The following CSMD3 variants were observed in gnomAD, a reference collection of about 807,000 sequenced individuals.
CSMD3 encodes CUB and sushi domain-containing protein 3.
A neutral mutation model predicts 435.2 loss-of-function variants in CSMD3; 177 were observed. The observed-to-expected ratio is 0.41, with a 90% CI of 0.36 to 0.46. The LOEUF (loss-of-function observed/expected upper bound fraction) is 0.46, where lower values mean the gene tolerates loss of function less well. Ranked by LOEUF, CSMD3 falls within the 20% of genes least tolerant of loss-of-function variation. The pLI, the probability that CSMD3 is intolerant of heterozygous loss-of-function variation, is 0.34. For synonymous variants in CSMD3, 1,656 were observed against 1,520.5 expected, an observed-to-expected ratio of 1.09 and a Z score of -2.07; for missense variants, 4,265 against 4,504.6, an observed-to-expected ratio of 0.95 and a Z score of 1.52.
intron 18 of CSMD3, among the ~76,000 whole-genome samples, chr8:112,652,830 G>T (rs878947208): frequency 1.3e-5 from 2 of 151,534 alleles, no homozygotes; most frequent in Non-Finnish European, 2.9e-5. Flanking sequence ...TTTTTTTTTA[G>T]ACAGAGTCTC....
chr8:112,278,612 G>A (rs1296485271), intron 59 of CSMD3, among the ~76,000 whole-genome samples: 1 of 152,118 alleles, frequency 6.6e-6, no homozygotes, highest in Non-Finnish European at 1.5e-5. Context: ...GTGCTCAGGG[G>A]AAAGGCTGGC....
At chr8:112,585,772 A>G (rs1206768441) in intron 23 of CSMD3, among the ~76,000 whole-genome samples, 2 of 151,650 alleles carry the variant, frequency 1.3e-5, no homozygotes, top group Non-Finnish European at 3.0e-5. Context: ...TAGTAGCTAG[A>G]TTAGCTTACA....
At chr8:112,770,135 A>T (rs2078075357) in intron 13 of CSMD3, among the ~76,000 whole-genome samples, 1 of 152,072 alleles carries the variant, frequency 6.6e-6, no homozygotes, top group Non-Finnish European at 1.5e-5. Context: ...TGAAAAATTA[A>T]AAAAAGCTCA....
At chr8:112,353,115 G>C (rs930220649) in intron 38 of CSMD3, among the ~76,000 whole-genome samples, 12 of 152,154 alleles carry the variant, frequency 7.9e-5, no homozygotes, top group African/African-American at 2.4e-4. Context: ...GAGAGGCCAA[G>C]TGCGGTGGTT....
chr8:112,409,281 A>C (rs1398072160), intron 32 of CSMD3, among the ~76,000 whole-genome samples: 1 of 152,074 alleles, frequency 6.6e-6, no homozygotes, highest in Non-Finnish European at 1.5e-5. Flanking sequence ...AAAAATATAA[A>C]TGAGCATAGC....
chr8:113,356,404 A>T (rs2094228218), intron 1 of CSMD3, among the ~76,000 whole-genome samples: 1 of 152,134 alleles, frequency 6.6e-6, no homozygotes, highest in African/African-American at 2.4e-5. Flanking sequence ...AGTGAAGAAA[A>T]AATTGGTCAG....
intron 1 of CSMD3, among the ~76,000 whole-genome samples, chr8:113,358,497 C>T (rs1017056634): frequency 6.6e-6 from 1 of 152,124 alleles, no homozygotes; most frequent in Non-Finnish European, 1.5e-5. Flanking sequence ...GGATTACAGG[C>T]GTATGCCACC....
rs1183880805 is a variant in CSMD3 at position 112,390,773 on chromosome 8, A to C, written c.5825T>G (p.Ile1942Ser). 1 of 1,613,840 alleles carries C rather than the reference A, an allele frequency of 6.2e-7. No homozygotes were observed. Among genetic ancestry groups the C allele is most frequent in the East Asian group, 2.2e-5 (1 of 44,858 alleles). ...AATAGTCCCTTTGCGCTTAGTTAAA[A>C]TTCCACCACAGGGCACTGAAAATAA... ...LPTCIVPCGG[I>S]LTKRKGTILS... Residue 1942 changes from isoleucine (I) to serine (S), a missense_variant, in exon 36 of 71, where the codon ATT becomes AGT. Physicochemically the swap from Ile to Ser is moderately radical, Grantham distance 142. Coordinates refer to ENST00000297405, the MANE Select transcript of CSMD3 (RefSeq NM_198123.2).
intron 1 of CSMD3, among the ~76,000 whole-genome samples, chr8:113,432,064 G>C (rs942870463): frequency 3.9e-5 from 6 of 152,136 alleles, no homozygotes; most frequent in Admixed American, 6.5e-5. Flanking sequence ...GCTGGCATCA[G>C]GTTTTCAAGA....
rs759476814 is a variant in CSMD3 at position 112,281,288 on chromosome 8, T to C, written c.9394A>G (p.Thr3132Ala). 3 of 1,613,516 alleles carry C rather than the reference T, an allele frequency of 1.9e-6. No homozygotes were observed. The highest frequency in any genetic ancestry group is 1.1e-5 in the South Asian group (1 of 91,068). Residue 3132 changes from threonine (T) to alanine (A), a missense_variant, in exon 59 of 71, where the codon ACA becomes GCA. This residue lies in a region of CSMD3 where 3,255 missense variants were observed against 3,380.2 expected (regional missense o/e 0.96). Coordinates refer to ENST00000297405, the MANE Select transcript of CSMD3 (RefSeq NM_198123.2). ...GAATAAATGACTGAACTAGAAAATG[T>C]TGTGCCATCAATTCGGAAGACTTTC... ...NGKVFRIDGT[T>A]FSSSVIYSCM...
intron 19 of CSMD3, 120 bp from the exon 20 acceptor site, chr8:112,645,345 T>C: frequency 1.4e-6 from 1 of 724,566 alleles, no homozygotes; most frequent in Non-Finnish European, 2.5e-6. Context: ...TACCTCCTAG[T>C]AATAACAGGT....
At chr8:113,218,837 A>G (rs1198342389) in intron 3 of CSMD3, among the ~76,000 whole-genome samples, 1 of 151,336 alleles carries the variant, frequency 6.6e-6, no homozygotes, top group Admixed American at 6.6e-5. Flanking sequence ...ATTTGCATAT[A>G]AATAATGAGA....
chr8:112,736,532 G>C (rs1730337896), intron 13 of CSMD3, among the ~76,000 whole-genome samples: 1 of 151,876 alleles, frequency 6.6e-6, no homozygotes, highest in African/African-American at 2.4e-5. Flanking sequence ...TCACTGCTTG[G>C]CAAATGCTCA....
intron 32 of CSMD3, among the ~76,000 whole-genome samples, chr8:112,410,676 GTA>G (rs369954404): frequency 0.012 from 545 of 44,070 alleles, no homozygotes; most frequent in Middle Eastern, 0.029. Context: ...ATATATATGT[GTA>G]TATATATATG....
At chr8:113,364,821 A>G (rs2094300890) in intron 1 of CSMD3, among the ~76,000 whole-genome samples, 1 of 152,134 alleles carries the variant, frequency 6.6e-6, no homozygotes, top group African/African-American at 2.4e-5. Flanking sequence ...AAGATACCAA[A>G]ACATGTTACA....
At chr8:113,110,576 T>C (rs2090608530) in intron 4 of CSMD3, among the ~76,000 whole-genome samples, 1 of 152,204 alleles carries the variant, frequency 6.6e-6, no homozygotes, top group Non-Finnish European at 1.5e-5. Flanking sequence ...TTTCTACATT[T>C]TTTTAATGAC....
At position 112,247,048 on chromosome 8, in the gene CSMD3, C is replaced by T. The variant is rs762493390; in HGVS notation, c.10194G>A (p.Thr3398=). 53 of 1,613,406 alleles carry T rather than the reference C, an allele frequency of 3.3e-5. No individual in the cohort carries two copies. The highest frequency in any genetic ancestry group is 3.7e-5 in the Non-Finnish European group (44 of 1,179,620). Residue 3398 remains threonine, a synonymous_variant, in exon 64 of 71, where the codon ACG becomes ACA. Coordinates refer to ENST00000297405, the MANE Select transcript of CSMD3 (RefSeq NM_198123.2). ...TGCATTCAGGCTGAATCCCACTCCA[C>T]GTAAGATCAGGGAGGCAGGTGCGTG... ...STTRTCLPDL[T]WSGIQPECIP...
intron 31 of CSMD3, among the ~76,000 whole-genome samples, chr8:112,484,902 A>T (rs1020469566): frequency 7.9e-5 from 12 of 152,108 alleles, no homozygotes; most frequent in Non-Finnish European, 1.5e-4. Context: ...CTGAAATCGG[A>T]AAAACTCCAG....
At chr8:112,804,854 G>A (rs575594565) in intron 12 of CSMD3, among the ~76,000 whole-genome samples, 2 of 151,794 alleles carry the variant, frequency 1.3e-5, no homozygotes, top group Admixed American at 6.6e-5. Flanking sequence ...TAGTAGAGAC[G>A]GGGTTTCACC....
Sources: gnomAD v4.1 joint callset for allele counts (sites outside exome capture counted in the v4.1 genomes callset) on GRCh38, gnomAD v4.1.1 for gene constraint, gnomAD v4.1.1 regional missense constraint, MANE v1.5 for transcripts, NCBI Gene and HGNC (gene_info 2026-07-23, HGNC 2026-07-21) for gene names.